NOL4: variants seen among roughly 807,000 people sequenced by gnomAD.
NOL4 encodes the protein nucleolar protein 4.
NOL4 carries 17 observed loss-of-function variants against 75.9 expected under a neutral mutation model. The observed-to-expected ratio is 0.22, with a 90% confidence interval of 0.15 to 0.34. NOL4 has a LOEUF of 0.34. Among genes scored for constraint, NOL4 ranks in the 10% least tolerant of loss-of-function variants. The pLI is 1.00. For missense variants in NOL4, 614 were observed against 793.5 expected, an observed-to-expected ratio of 0.77 and a Z score of 2.72; for synonymous variants, 292 against 289.9, an observed-to-expected ratio of 1.01 and a Z score of -0.07.
intron 1 of NOL4, among the ~76,000 whole-genome samples, chr18:34,143,694 G>C (rs1039811386): frequency 6.6e-6 from 1 of 151,720 alleles, no homozygotes; most frequent in Admixed American, 6.6e-5. Flanking sequence ...TGGAAAGGCT[G>C]TTTCTGCTAA....
intron 1 of NOL4, among the ~76,000 whole-genome samples, chr18:34,215,608 A>T (rs2036833632): frequency 6.6e-6 from 1 of 152,172 alleles, no homozygotes; most frequent in Admixed American, 6.5e-5. Context: ...AATAAGAAAA[A>T]GATGTGTCAG....
intron 5 of NOL4, among the ~76,000 whole-genome samples, chr18:34,033,124 A>G (rs1345000699): frequency 6.6e-6 from 1 of 152,184 alleles, no homozygotes; most frequent in Admixed American, 6.5e-5. Context: ...AGAGATATCA[A>G]TGTAAAGGCA....
chr18:33,867,495 G>A (rs1013835827), intron 10 of NOL4, among the ~76,000 whole-genome samples: 1 of 152,004 alleles, frequency 6.6e-6, no homozygotes, highest in Non-Finnish European at 1.5e-5. Context: ...TCCCTTAAAA[G>A]TGAAATAAAA....
At chr18:34,112,909 C>T (rs925792351) in intron 2 of NOL4, among the ~76,000 whole-genome samples, 1 of 152,154 alleles carries the variant, frequency 6.6e-6, no homozygotes, top group African/African-American at 2.4e-5. Context: ...TGCTAATTAG[C>T]TTGATTGCGG....
chr18:33,991,842 T>C (rs2072939629), intron 6 of NOL4, among the ~76,000 whole-genome samples: 1 of 152,102 alleles, frequency 6.6e-6, no homozygotes, highest in Non-Finnish European at 1.5e-5. Context: ...CAAACCTTTC[T>C]ATCGAACAGT....
At chr18:33,962,026 C>A (rs1391581002) in intron 6 of NOL4, among the ~76,000 whole-genome samples, 1 of 152,104 alleles carries the variant, frequency 6.6e-6, no homozygotes, top group Non-Finnish European at 1.5e-5. Flanking sequence ...GTAAAATTGC[C>A]AATCCCTTGG....
chr18:34,150,274 G>A (rs2081585223), intron 1 of NOL4, among the ~76,000 whole-genome samples: 1 of 151,574 alleles, frequency 6.6e-6, no homozygotes, highest in South Asian at 2.1e-4. Flanking sequence ...AAGGCACCAA[G>A]TATAGCCAAC....
At chr18:34,064,703 T>G (rs1287455500) in intron 5 of NOL4, among the ~76,000 whole-genome samples, 6 of 151,934 alleles carry the variant, frequency 3.9e-5, no homozygotes, top group Non-Finnish European at 5.9e-5. Context: ...TGACACATAA[T>G]TCAGTTGTAT....
intron 1 of NOL4, among the ~76,000 whole-genome samples, chr18:34,196,380 C>T (rs2035332084): frequency 6.6e-6 from 1 of 152,102 alleles, no homozygotes. Flanking sequence ...TGATCAGAGC[C>T]ACTTGAGACT....
At chr18:34,168,508 G>A (rs1383043079) in intron 1 of NOL4, among the ~76,000 whole-genome samples, 4 of 150,706 alleles carry the variant, frequency 2.7e-5, no homozygotes, top group Non-Finnish European at 4.4e-5. Context: ...GAAGAAAAAC[G>A]AAAAAAACTA....
At position 33,877,697 on chromosome 18, in the gene NOL4, G is replaced by T. The variant is rs2064011438; in HGVS notation, c.1723+5547C>A. Among the ~76,000 whole-genome samples the T allele has an allele frequency of 5.9e-5, 9 of 152,036 alleles. No homozygotes were observed. The South Asian group carries it at 1.9e-3, about 32-fold the overall frequency. On this transcript the variant is annotated intron_variant, in intron 10 of 10. Coordinates refer to ENST00000261592, the MANE Select transcript of NOL4 (RefSeq NM_003787.5). Reference sequence around the variant, plus strand: ...GTACTACAGCATGTATATCCAAACTGTGCATTTATAAAACATGCTTTCTAA... The same window carrying T: ...GTACTACAGCATGTATATCCAAACTTTGCATTTATAAAACATGCTTTCTAA...
intron 1 of NOL4, among the ~76,000 whole-genome samples, chr18:34,138,750 G>A (rs1006601362): frequency 3.9e-5 from 6 of 152,142 alleles, no homozygotes; most frequent in Non-Finnish European, 8.8e-5. Context: ...TCCCTGTCTT[G>A]TGCCAGTTTT....
intron 8 of NOL4, among the ~76,000 whole-genome samples, chr18:33,948,425 A>G (rs1391045424): frequency 1.3e-5 from 2 of 151,982 alleles, no homozygotes; most frequent in East Asian, 3.9e-4. Flanking sequence ...ATACATATAT[A>G]AAGTTTCATG....
chr18:33,936,542 A>G (rs532077587), intron 9 of NOL4, among the ~76,000 whole-genome samples: 1 of 151,726 alleles, frequency 6.6e-6, no homozygotes, highest in South Asian at 2.1e-4. Flanking sequence ...TCTTTTCAAT[A>G]GAGTCAATGG....
At chr18:33,971,136 A>G (rs2071023005) in intron 6 of NOL4, among the ~76,000 whole-genome samples, 1 of 152,236 alleles carries the variant, frequency 6.6e-6, no homozygotes, top group Non-Finnish European at 1.5e-5. Flanking sequence ...CTATGGCTGA[A>G]AACAGTTCAG....
At chr18:34,119,587 T>A (rs2080025338) in intron 2 of NOL4, among the ~76,000 whole-genome samples, 1 of 152,116 alleles carries the variant, frequency 6.6e-6, no homozygotes, top group Non-Finnish European at 1.5e-5. Flanking sequence ...TTGAGATGGG[T>A]GATCTAGCCC....
rs1284921809 is a variant in NOL4, at chr18:33,926,632, C to T, written c.1542+16433G>A. Among the ~76,000 whole-genome samples the T allele has an allele frequency of 2.6e-5, 4 of 152,138 alleles. No homozygotes were observed. The East Asian group carries it at 7.7e-4, about 29-fold the overall frequency. Reference sequence around the variant, plus strand: ...TGTTTGTTTGTTTGAGACGGAGTCTCGCTCTGTCACCAGGCTGGAGGCCAG... The same window carrying T: ...TGTTTGTTTGTTTGAGACGGAGTCTTGCTCTGTCACCAGGCTGGAGGCCAG... On this transcript the variant is annotated intron_variant, in intron 9 of 10. Coordinates refer to ENST00000261592, the MANE Select transcript of NOL4 (RefSeq NM_003787.5).
At chr18:34,185,453 A>T (rs1037799896) in intron 1 of NOL4, among the ~76,000 whole-genome samples, 4 of 152,068 alleles carry the variant, frequency 2.6e-5, no homozygotes, top group African/African-American at 9.7e-5. Context: ...GAGAAACTGA[A>T]TTTTTTACAA....
chr18:34,054,963 C>T (rs1423947556), intron 5 of NOL4, among the ~76,000 whole-genome samples: 1 of 148,846 alleles, frequency 6.7e-6, no homozygotes, highest in East Asian at 1.9e-4. Context: ...TTGCATATTT[C>T]CATATTATAT....
Sources: allele counts gnomAD v4.1 joint callset (sites outside exome capture counted in the v4.1 genomes callset), GRCh38; gene constraint gnomAD v4.1.1; transcripts MANE v1.5; gene names NCBI Gene and HGNC (gene_info 2026-07-23, HGNC 2026-07-21).